Variants in SAMHD1 observed in about 807,000 individuals in gnomAD.
The protein encoded by SAMHD1 is SAM and HD domain containing deoxynucleoside triphosphate triphosphohydrolase 1.
SAMHD1 carries 54 observed loss-of-function variants against 79.6 expected under a neutral mutation model. That is an observed-to-expected ratio of 0.68 (90% CI 0.55 to 0.85). The LOEUF (loss-of-function observed/expected upper bound fraction) is 0.85, where lower values mean the gene tolerates loss of function less well. SAMHD1 is among the 40% of genes least tolerant of loss of function. The pLI is 0.00. For missense variants in SAMHD1, 663 were observed against 782.7 expected, an observed-to-expected ratio of 0.85 and a Z score of 1.82; for synonymous variants, 260 against 264.1, an observed-to-expected ratio of 0.98 and a Z score of 0.15.
intron 14 of SAMHD1, 144 bp downstream of exon 14, chr20:36,898,296 G>A (rs1990235620): frequency 4.1e-6 from 3 of 726,024 alleles, no homozygotes; most frequent in Admixed American, 2.1e-5. Context: ...CCAAAACACT[G>A]GGATTACAGG....
At chr20:36,924,353 A>G (rs2063524155) in intron 6 of SAMHD1, among the ~76,000 whole-genome samples, 1 of 151,702 alleles carries the variant, frequency 6.6e-6, no homozygotes, top group Admixed American at 6.6e-5. Context: ...AAGGAAGGGA[A>G]AAAGAGAAAG....
chr20:36,951,684 C>A lies in SAMHD1; in HGVS notation c.-41G>T. On this transcript the variant is annotated 5_prime_UTR_variant, in exon 1 of 16. Transcript: ENST00000646673. ...CCGGCACAGCAGTCAAGAACCTCGG[C>A]GCCGGACCCGCGCGCAGGCGCACTG... is the stretch of plus-strand genomic sequence containing the variant. 1 of 1,609,978 alleles carries A rather than the reference C, an allele frequency of 6.2e-7. No homozygotes were observed. Among genetic ancestry groups the A allele is most frequent in the Non-Finnish European group, 8.5e-7 (1 of 1,179,828 alleles).
Position 36,904,189 on chromosome 20 carries a change from C to T in SAMHD1, c.1471G>A (p.Val491Met), listed in dbSNP as rs529220118. The change falls in exon 13 of 16, where the codon GTG becomes ATG. Residue 491 changes from valine to methionine, a missense_variant. Transcript: ENST00000646673. Reference protein sequence around the residue: ...ASAKPKVLLDVKLKAEDFIVD... With the variant: ...ASAKPKVLLDMKLKAEDFIVD... ...ATAAAATCTTCAGCCTTCAGTTTCACGTCTAGCAATACTTTGGGTTTAGCA... is the reference window on the plus strand; with the variant it reads ...ATAAAATCTTCAGCCTTCAGTTTCATGTCTAGCAATACTTTGGGTTTAGCA... 137 of 1,613,576 alleles carry T rather than the reference C, an allele frequency of 8.5e-5. No homozygotes were observed. In the South Asian group the frequency reaches 1.2e-3, roughly 14 times the overall value.
intron 5 of SAMHD1, 119 bp from the exon 6 acceptor site, chr20:36,927,371 G>A: frequency 1.2e-6 from 1 of 801,692 alleles, no homozygotes; most frequent in South Asian, 1.5e-5. Flanking sequence ...AGGCTGGAGT[G>A]TAGTGGTACA....
chr20:36,935,447 A>T (rs2063596840), intron 3 of SAMHD1: 1 of 485,044 alleles, frequency 2.1e-6, no homozygotes, highest in East Asian at 4.0e-5. Context: ...TTGATTTTTT[A>T]TTATGTATAT....
intron 4 of SAMHD1, among the ~76,000 whole-genome samples, chr20:36,932,051 G>A (rs1002515711): frequency 6.6e-6 from 1 of 152,016 alleles, no homozygotes; most frequent in Non-Finnish European, 1.5e-5. Context: ...AGGCTGAGGT[G>A]GGCAGATCAC....
intron 9 of SAMHD1, chr20:36,916,499 A>C (rs892822544): frequency 6.4e-6 from 3 of 470,770 alleles, no homozygotes; most frequent in Non-Finnish European, 1.1e-5. Context: ...AAACAAAAAA[A>C]CCCCAAAACC....
chr20:36,941,208 T>G, intron 2 of SAMHD1, 97 bp from the exon 3 acceptor site: 1 of 805,968 alleles, frequency 1.2e-6, no homozygotes, highest in East Asian at 2.6e-5. Flanking sequence ...TTATCTACAC[T>G]AACAGAAGTT....
intron 11 of SAMHD1, 134 bp downstream of exon 11, chr20:36,911,080 CCTTT>C (rs905219200): frequency 4.0e-5 from 24 of 595,850 alleles, no homozygotes; most frequent in African/African-American, 1.7e-4. Context: ...ATAGTGAGAC[CCTTT>C]CTTTATTTTT....
In SAMHD1 at chr20:36,940,954, C is replaced by T; in HGVS notation, c.348+85G>A. On this transcript the variant is annotated intron_variant, in intron 3 of 15. Transcript: ENST00000646673. ...ATTCTATCACTGAGAAGCAGATTTC[C>T]TCCTATTCTCTTCAAAATGAATTTT... 10 of 1,011,260 alleles carry T rather than the reference C, an allele frequency of 9.9e-6. No individual in the cohort carries two copies. The South Asian group carries it at 1.2e-4, about 12-fold the overall frequency. 62.6% of individuals were successfully genotyped at this position (1,011,260 alleles called of 1,614,324 possible).
chr20:36,916,193 CTT>C (rs1165638816), intron 9 of SAMHD1, among the ~76,000 whole-genome samples: 1 of 152,010 alleles, frequency 6.6e-6, no homozygotes, highest in Non-Finnish European at 1.5e-5. Context: ...TGGAACCAAA[CTT>C]TTTGGGTTGA....
At chr20:36,908,624 C>T (rs1208524092) in intron 11 of SAMHD1, among the ~76,000 whole-genome samples, 1 of 152,140 alleles carries the variant, frequency 6.6e-6, no homozygotes, top group Non-Finnish European at 1.5e-5. Context: ...TTGTATTTTA[C>T]ATGCCTTTTC....
At chr20:36,929,722 A>AAATAAAT (rs2063556977) in intron 5 of SAMHD1, among the ~76,000 whole-genome samples, 1 of 151,780 alleles carries the variant, frequency 6.6e-6, no homozygotes, top group Non-Finnish European at 1.5e-5. Flanking sequence ...CAAAAATAAA[A>AAATAAAT]AAATAAATGG....
In SAMHD1 at chr20:36,941,258, C is replaced by T. The variant is rs1358796469; in HGVS notation, c.276-147G>A. 38 of 688,394 alleles carry T rather than the reference C, an allele frequency of 5.5e-5. 1 individual carries two copies. Among genetic ancestry groups the T allele is most frequent in the Non-Finnish European group, 9.6e-5 (37 of 385,042 alleles). The allele number at this position is 688,394 out of a possible 1,614,324, so 42.6% of individuals were successfully genotyped here. A position where few individuals can be genotyped will look rare whatever the true frequency, so the allele number is the denominator to read the frequency against. ...AATCAATAATTCAAACATACCCCTC[C>T]TAGAAACTCTCTCCTTCCTTTGCTG... On this transcript the variant is annotated intron_variant, in intron 2 of 15. Transcript: ENST00000646673.
intron 10 of SAMHD1, chr20:36,912,014 T>C (rs1368083960): frequency 5.0e-6 from 1 of 200,118 alleles, no homozygotes; most frequent in Non-Finnish European, 1.0e-5. Context: ...GTTTTACCAT[T>C]TGGTACTAAT....
At chr20:36,906,590 C>G (rs2063406491) in intron 11 of SAMHD1, among the ~76,000 whole-genome samples, 1 of 152,168 alleles carries the variant, frequency 6.6e-6, no homozygotes, top group South Asian at 2.1e-4. Flanking sequence ...GTGACAGGTA[C>G]ATGGCTTTGT....
At position 36,951,628 on chromosome 20, in the gene SAMHD1, A is replaced by C. The variant is rs1187125859; in HGVS notation, c.16T>G (p.Ser6Ala). 1.2e-6 allele frequency: 2 copies of C among 1,613,762 alleles called. No individual in the cohort carries two copies. The highest frequency in any genetic ancestry group is 1.7e-6 in the Non-Finnish European group (2 of 1,179,974). Residue 6 changes from serine to alanine, a missense_variant, in exon 1 of 16, where the codon TCC becomes GCC. Transcript: ENST00000646673. ...CGGGGACGCTTGGAGGGCTGCTCGGAATCGGCTCGCTGCATGGCTACACCT... is the reference window on the plus strand; with the variant it reads ...CGGGGACGCTTGGAGGGCTGCTCGGCATCGGCTCGCTGCATGGCTACACCT... Reference protein sequence around the residue: MQRADSEQPSKRPRCD... With the variant: MQRADAEQPSKRPRCD...
At chr20:36,946,535 C>A (rs776808272) in intron 2 of SAMHD1, 1 of 516,384 alleles carries the variant, frequency 1.9e-6, no homozygotes, top group Non-Finnish European at 3.5e-6. Context: ...TGCAGTGAGC[C>A]GAGATACTCC....
At chr20:36,905,567 T>C (rs1056267570) in intron 11 of SAMHD1, 64 bp from the exon 12 acceptor site, 61 of 1,339,468 alleles carry the variant, frequency 4.6e-5, no homozygotes, top group Non-Finnish European at 6.2e-5. Flanking sequence ...AATTATATAG[T>C]GCTATTCTAT....
Sources: allele counts gnomAD v4.1 joint callset (sites outside exome capture counted in the v4.1 genomes callset), GRCh38; gene constraint gnomAD v4.1.1; transcripts MANE v1.5; gene names NCBI Gene and HGNC (gene_info 2026-07-23, HGNC 2026-07-21).